The following PPM1B variants were observed in gnomAD, a reference collection of about 807,000 sequenced individuals.
The protein encoded by PPM1B is protein phosphatase 1B.
In PPM1B, 22 loss-of-function variants were observed where a neutral mutation model predicts 43.0. That is an observed-to-expected ratio of 0.51 (90% CI 0.37 to 0.73). The LOEUF (loss-of-function observed/expected upper bound fraction) is 0.73, where lower values mean the gene tolerates loss of function less well. Among genes scored for constraint, PPM1B ranks in the 30% least tolerant of loss-of-function variants. The pLI is 0.00. For synonymous variants in PPM1B, 217 were observed against 197.9 expected (o/e 1.10, Z -0.81); for missense variants, 632 against 584.2 (o/e 1.08, Z -0.84).
intron 1 of PPM1B, among the ~76,000 whole-genome samples, chr2:44,183,893 C>G (rs187483408): frequency 7.4e-4 from 112 of 152,296 alleles, no homozygotes; most frequent in African/African-American, 2.4e-3. Flanking sequence ...CATCCGCCAC[C>G]GTCCCTGGCT....
In PPM1B at chr2:44,209,323, T is replaced by C. The variant is rs780598913; in HGVS notation, c.960T>C (p.Val320=). Residue 320 remains valine (V), a synonymous_variant, in exon 3 of 6, where the codon GTT becomes GTC. Coordinates refer to ENST00000282412, the MANE Select transcript of PPM1B (RefSeq NM_002706.6). Reference sequence around the variant, plus strand: ...TGGATAAGCACTTGGAATCACGGGTTGAAGGTAAGACAAATGCTTTTTAAA... The same window carrying C: ...TGGATAAGCACTTGGAATCACGGGTCGAAGGTAAGACAAATGCTTTTTAAA... ...SELDKHLESR[V]EEIMEKSGEE... 1 of 1,613,936 alleles carries C rather than the reference T, an allele frequency of 6.2e-7. No homozygotes were observed. The highest frequency in any genetic ancestry group is 1.1e-5 in the South Asian group (1 of 91,076).
chr2:44,244,328 CAA>C, exon 6 of PPM1B: 1 of 1,361,472 alleles, frequency 7.3e-7, no homozygotes, highest in Non-Finnish European at 9.8e-7. Flanking sequence ...AGCACGCGGA[CAA>C]AAAGGTTTTT....
intron 1 of PPM1B, among the ~76,000 whole-genome samples, chr2:44,183,459 C>T (rs755813892): frequency 1.3e-5 from 2 of 152,156 alleles, no homozygotes; most frequent in Non-Finnish European, 2.9e-5. Context: ...GAGTCAGTCT[C>T]CAGAATCAAG....
chr2:44,233,948 C>G (rs1294686779), downstream of PPM1B: 11 of 985,356 alleles, frequency 1.1e-5, no homozygotes, highest in Non-Finnish European at 1.3e-5. Context: ...TTCAAACTGT[C>G]CACTCTGATC....
At chr2:44,181,960 A>G (rs1173373249) in intron 1 of PPM1B, among the ~76,000 whole-genome samples, 2 of 152,226 alleles carry the variant, frequency 1.3e-5, no homozygotes, top group Non-Finnish European at 2.9e-5. Context: ...AGAAAAAAGA[A>G]TAAAGTTTTT....
At chr2:44,194,312 G>A (rs961645692) in intron 1 of PPM1B, among the ~76,000 whole-genome samples, 2 of 152,170 alleles carry the variant, frequency 1.3e-5, no homozygotes, top group African/African-American at 4.8e-5. Flanking sequence ...AGCATTTTAT[G>A]GAGTATTCCT....
At chr2:44,217,506 C>T (rs1020281209) in intron 3 of PPM1B, among the ~76,000 whole-genome samples, 2 of 151,528 alleles carry the variant, frequency 1.3e-5, no homozygotes, top group African/African-American at 4.8e-5. Flanking sequence ...TCTAGCTAAA[C>T]TTTTATTATC....
chr2:44,186,678 T>A (rs1282365438), intron 1 of PPM1B, among the ~76,000 whole-genome samples: 1 of 152,252 alleles, frequency 6.6e-6, no homozygotes, highest in African/African-American at 2.4e-5. Flanking sequence ...CCTGGCCTGA[T>A]TTTTAACTAA....
chr2:44,242,177 T>C (rs1403544106), intron 5 of PPM1B, among the ~76,000 whole-genome samples: 2 of 152,172 alleles, frequency 1.3e-5, no homozygotes, highest in Non-Finnish European at 2.9e-5. Flanking sequence ...TCTTAAATGT[T>C]AACAAAACAT....
chr2:44,236,995 TC>T (rs1670640860), downstream of PPM1B, among the ~76,000 whole-genome samples: 1 of 152,222 alleles, frequency 6.6e-6, no homozygotes, highest in Non-Finnish European at 1.5e-5. Flanking sequence ...GTGCAAAAAA[TC>T]CATTATATAT....
intron 1 of PPM1B, among the ~76,000 whole-genome samples, chr2:44,182,272 T>G (rs150898833): frequency 9.8e-5 from 15 of 152,308 alleles, no homozygotes; most frequent in Non-Finnish European, 1.8e-4. Flanking sequence ...TTTATTTATT[T>G]TTTTGACACA....
intron 5 of PPM1B, among the ~76,000 whole-genome samples, chr2:44,240,740 C>T (rs1250934323): frequency 6.9e-6 from 1 of 145,684 alleles, no homozygotes; most frequent in Non-Finnish European, 1.5e-5. Context: ...CCTTAGCCTA[C>T]TAGTACCCAT....
chr2:44,225,698 C>T (rs552477105), intron 5 of PPM1B, among the ~76,000 whole-genome samples: 3 of 152,176 alleles, frequency 2.0e-5, no homozygotes, highest in South Asian at 2.1e-4. Context: ...ACCCTGTCAC[C>T]GAGGCTGTAA....
At chr2:44,198,124 G>A (rs1006590792) in intron 1 of PPM1B, among the ~76,000 whole-genome samples, 1 of 152,054 alleles carries the variant, frequency 6.6e-6, no homozygotes, top group Non-Finnish European at 1.5e-5. Context: ...GGAGAATTTT[G>A]AAGTATTTGG....
downstream of PPM1B, among the ~76,000 whole-genome samples, chr2:44,238,212 A>G (rs774791834): frequency 3.9e-5 from 6 of 152,186 alleles, no homozygotes; most frequent in Non-Finnish European, 5.9e-5. Flanking sequence ...CTGAAATGCA[A>G]TTTATCTTAA....
At chr2:44,192,416 A>C (rs949039148) in intron 1 of PPM1B, among the ~76,000 whole-genome samples, 3 of 152,032 alleles carry the variant, frequency 2.0e-5, no homozygotes, top group Non-Finnish European at 2.9e-5. Flanking sequence ...GGGTTTCGCC[A>C]TGTTGGCCAG....
downstream of PPM1B, chr2:44,231,503 T>C (rs564968555): frequency 4.3e-6 from 4 of 937,648 alleles, no homozygotes; most frequent in South Asian, 9.9e-5. Context: ...GAATTAATTT[T>C]TTAAAAACAA....
chr2:44,209,602 C>T lies in PPM1B; in HGVS notation c.964+275C>T, dbSNP rs566304274. Among the ~76,000 whole-genome samples the T allele has an allele frequency of 2.6e-5, 4 of 152,120 alleles. No individual in the cohort carries two copies. In the East Asian group the frequency reaches 7.7e-4, roughly 29 times the overall value. ...CACCATCCTGGCTACACGGTGAAAC[C>T]CCGTCTCTGCTAAAAATACAGAAAA... On this transcript the variant is annotated intron_variant, in intron 3 of 5. Transcript: ENST00000282412.
At chr2:44,218,259 T>C (rs1669816867) in intron 4 of PPM1B, among the ~76,000 whole-genome samples, 181 bp downstream of exon 4, 2 of 152,218 alleles carry the variant, frequency 1.3e-5, no homozygotes, top group Admixed American at 1.3e-4. Flanking sequence ...AGGAATTATC[T>C]ATCATACTCT....
Sources: gnomAD v4.1 joint callset for allele counts (sites outside exome capture counted in the v4.1 genomes callset) on GRCh38, gnomAD v4.1.1 for gene constraint, MANE v1.5 for transcripts, NCBI Gene and HGNC (gene_info 2026-07-23, HGNC 2026-07-21) for gene names.